Variants in WWOX observed in about 807,000 individuals in gnomAD.
WWOX encodes WW domain containing oxidoreductase.
In WWOX, 69 loss-of-function variants were observed where a neutral mutation model predicts 46.2. The ratio of observed to expected loss-of-function variants is 1.49; its 90% CI spans 1.23 to 1.82. The LOEUF (loss-of-function observed/expected upper bound fraction) is 1.82. Among genes scored for constraint, WWOX ranks in the 40% most tolerant of loss-of-function variants. WWOX has a pLI of 0.00. For synonymous variants in WWOX, 359 were observed against 202.6 expected (o/e 1.77, Z -6.56); for missense variants, 919 against 542.6 (o/e 1.69, Z -6.89).
chr16:78,610,467 A>C (rs887941099), intron 8 of WWOX, among the ~76,000 whole-genome samples: 6 of 152,238 alleles, frequency 3.9e-5, no homozygotes, highest in African/African-American at 1.4e-4. Flanking sequence ...TTTAAAAGAT[A>C]AAAGGTCACC....
At chr16:78,641,963 T>C (rs1030649159) in intron 8 of WWOX, among the ~76,000 whole-genome samples, 2 of 152,106 alleles carry the variant, frequency 1.3e-5, no homozygotes, top group African/African-American at 4.8e-5. Context: ...ATTCCTCCCC[T>C]TTTATCAAGA....
intron 7 of WWOX, among the ~76,000 whole-genome samples, chr16:78,430,901 G>A (rs532914966): frequency 4.6e-5 from 7 of 152,124 alleles, no homozygotes; most frequent in African/African-American, 7.2e-5. Context: ...AACCTGAGCT[G>A]CTGATATTAA....
chr16:79,141,508 A>T (rs1385989644), intron 8 of WWOX, among the ~76,000 whole-genome samples: 3 of 152,232 alleles, frequency 2.0e-5, no homozygotes. Flanking sequence ...GTCAGTGGTG[A>T]TAGCACCCGT....
chr16:79,023,512 A>G (rs1281318531), intron 8 of WWOX, among the ~76,000 whole-genome samples: 1 of 152,188 alleles, frequency 6.6e-6, no homozygotes, highest in Non-Finnish European at 1.5e-5. Context: ...GAGACTAGGC[A>G]TTCATAGTGG....
intron 4 of WWOX, among the ~76,000 whole-genome samples, chr16:78,144,824 C>A (rs890424412): frequency 4.0e-5 from 6 of 151,600 alleles, no homozygotes; most frequent in Non-Finnish European, 7.4e-5. Context: ...CCTGGCCTGC[C>A]GTTACTTTTA....
intron 8 of WWOX, among the ~76,000 whole-genome samples, chr16:78,576,967 C>G (rs568859256): frequency 6.6e-6 from 1 of 152,238 alleles, no homozygotes; most frequent in Non-Finnish European, 1.5e-5. Context: ...CCCATCTTCA[C>G]TCCATGTAAT....
At chr16:78,845,942 TC>T (rs2052287515) in intron 8 of WWOX, among the ~76,000 whole-genome samples, 2 of 140,674 alleles carry the variant, frequency 1.4e-5, no homozygotes, top group South Asian at 2.1e-4. Context: ...CACCAGTTTT[TC>T]CCATAAAATA....
intron 8 of WWOX, among the ~76,000 whole-genome samples, chr16:79,172,260 C>T (rs1272617829): frequency 6.6e-6 from 1 of 152,208 alleles, no homozygotes. Context: ...CTGTGTATAT[C>T]CCACAGCTTT....
chr16:78,109,817 G>T lies in WWOX; in HGVS notation c.212G>T (p.Gly71Val). 1.2e-6 allele frequency: 2 copies of T among 1,614,162 alleles called. No homozygotes were observed. Among genetic ancestry groups the T allele is most frequent in the Non-Finnish European group, 1.7e-6 (2 of 1,180,034 alleles). ...TGGGAACAAGAAACTGATGAGAACG[G>T]ACAAGTGTTTTTTGTTGAGTAAGTG... is the stretch of plus-strand genomic sequence containing the variant. Reference protein sequence around the residue: ...YGWEQETDENGQVFFVDHINK... With the variant: ...YGWEQETDENVQVFFVDHINK... The change falls in exon 3 of 9, where the codon GGA becomes GTA. Residue 71 changes from glycine (G) to valine (V), a missense_variant. By Grantham distance (109) the Gly-to-Val change is moderately radical (BLOSUM62 -3). Coordinates refer to ENST00000566780, the MANE Select transcript of WWOX (RefSeq NM_016373.4).
chr16:78,594,311 G>A (rs2151606937), intron 8 of WWOX, among the ~76,000 whole-genome samples: 1 of 149,802 alleles, frequency 6.7e-6, no homozygotes. Context: ...TGTTTTTTTT[G>A]TTTTCAGCAA....
intron 5 of WWOX, among the ~76,000 whole-genome samples, chr16:78,195,293 G>T (rs1298210920): frequency 6.6e-6 from 1 of 152,138 alleles, no homozygotes; most frequent in East Asian, 1.9e-4. Flanking sequence ...CCTGACAGAT[G>T]CCTCCACCTG....
intron 8 of WWOX, among the ~76,000 whole-genome samples, chr16:78,632,855 G>A (rs1380481096): frequency 2.6e-5 from 4 of 151,768 alleles, no homozygotes; most frequent in Non-Finnish European, 4.4e-5. Context: ...ACTGCGCCCG[G>A]CCTACTTGGC....
At chr16:78,233,370 A>G (rs2037331406) in intron 5 of WWOX, among the ~76,000 whole-genome samples, 1 of 152,022 alleles carries the variant, frequency 6.6e-6, no homozygotes, top group Admixed American at 6.6e-5. Context: ...TTAAATATAT[A>G]ATTTATTATT....
intron 8 of WWOX, among the ~76,000 whole-genome samples, chr16:78,479,274 T>G (rs2084431128): frequency 6.6e-6 from 1 of 152,228 alleles, no homozygotes; most frequent in Non-Finnish European, 1.5e-5. Flanking sequence ...GATATGGATA[T>G]GAATTTGTAT....
intron 8 of WWOX, among the ~76,000 whole-genome samples, chr16:78,912,513 A>G (rs1364387512): frequency 6.6e-6 from 1 of 151,870 alleles, no homozygotes; most frequent in Non-Finnish European, 1.5e-5. Flanking sequence ...TGATCAAGAA[A>G]TGCCAGCTCC....
At chr16:78,490,974 C>G (rs2151461315) in intron 8 of WWOX, among the ~76,000 whole-genome samples, 1 of 152,308 alleles carries the variant, frequency 6.6e-6, no homozygotes, top group East Asian at 1.9e-4. Context: ...AGCCCCTGAG[C>G]TGCCCCCGAG....
chr16:78,833,548 T>A lies in WWOX; in HGVS notation c.1057-378060T>A, dbSNP rs186689916. On this transcript the variant is annotated intron_variant, in intron 8 of 8. Transcript: ENST00000566780. Reference sequence around the variant, plus strand: ...GTGCAGTGAGGACACTCTTTTATCATAACCCCAGTAGGCTTATGGTGCTTG... The same window carrying A: ...GTGCAGTGAGGACACTCTTTTATCAAAACCCCAGTAGGCTTATGGTGCTTG... Among the ~76,000 whole-genome samples, 795 of 152,322 alleles carry A rather than the reference T, an allele frequency of 5.2e-3. 3 individuals carry two copies. Among genetic ancestry groups the A allele is most frequent in the Non-Finnish European group, 7.9e-3 (537 of 68,028 alleles).
rs112742099 is a variant in WWOX, at chr16:78,549,418, G to A, written c.1056+116666G>A. ...AATATCACTTTTTTATATTATTCATGGTAATGTAATTCCCCCCTTTAATCT... is the reference window on the plus strand; with the variant it reads ...AATATCACTTTTTTATATTATTCATAGTAATGTAATTCCCCCCTTTAATCT... On this transcript the variant is annotated intron_variant, in intron 8 of 8. Transcript: ENST00000566780. 2.7e-4 allele frequency among the ~76,000 whole-genome samples: 41 copies of A among 152,226 alleles called. 1 individual carries two copies. Among genetic ancestry groups the A allele is most frequent in the African/African-American group, 9.6e-4 (40 of 41,554 alleles).
intron 5 of WWOX, among the ~76,000 whole-genome samples, chr16:78,178,003 T>A (rs1045158099): frequency 6.6e-6 from 1 of 152,202 alleles, no homozygotes; most frequent in Non-Finnish European, 1.5e-5. Flanking sequence ...AGAGAAAGCA[T>A]TCCTCACTTG....
Sources: allele counts gnomAD v4.1 joint callset (sites outside exome capture counted in the v4.1 genomes callset), GRCh38; gene constraint gnomAD v4.1.1; transcripts MANE v1.5; gene names NCBI Gene and HGNC (gene_info 2026-07-23, HGNC 2026-07-21).